The following NEDD9 variants were observed in gnomAD, a reference collection of about 807,000 sequenced individuals.
The protein encoded by NEDD9 is neural precursor cell expressed, developmentally down-regulated 9.
NEDD9 carries 26 observed loss-of-function variants against 76.6 expected under a neutral mutation model. That is an observed-to-expected ratio of 0.34 (90% CI 0.25 to 0.47). The LOEUF (loss-of-function observed/expected upper bound fraction) is 0.47. Among genes scored for constraint, NEDD9 ranks in the 20% least tolerant of loss-of-function variants. NEDD9 has a pLI of 1.00. For synonymous variants in NEDD9, 392 were observed against 414.2 expected (o/e 0.95, Z 0.65); for missense variants, 937 against 1,058.5 (o/e 0.89, Z 1.59).
Position 11,190,614 on chromosome 6 carries a change from C to T in NEDD9, c.1255G>A (p.Ala419Thr). ...AIERLQRLQQ[A>T]LEMGVSSLMA... ...AGGCTGGAGACACCCATCTCAAGGG[C>T]CTGCTGGAGCCGCTGAAGTCTCTCA... Residue 419 changes from alanine to threonine, a missense_variant, in exon 5 of 7, where the codon GCC becomes ACC. Transcript: ENST00000379446. This position sits in a 1 kb window ranked among gnomAD's most constrained non-coding sequence, Gnocchi z 5.8. 6.2e-7 allele frequency: 1 copy of T among 1,614,184 alleles called. No individual in the cohort carries two copies. The highest frequency in any genetic ancestry group is 1.3e-5 in the African/African-American group (1 of 75,042).
intron 1 of NEDD9, among the ~76,000 whole-genome samples, chr6:11,214,450 C>T (rs1043644498): frequency 3.3e-5 from 5 of 152,220 alleles, no homozygotes; most frequent in African/African-American, 1.2e-4. Flanking sequence ...TTCCTGAGGG[C>T]CCCTCCTCGC....
chr6:11,199,144 AC>A (rs1179899033), intron 2 of NEDD9: 1 of 152,216 alleles, frequency 6.6e-6, no homozygotes, highest in African/African-American at 2.4e-5. Flanking sequence ...CCTGCTTTTT[AC>A]CTCAACATCA....
intron 3 of NEDD9, among the ~76,000 whole-genome samples, chr6:11,283,313 G>A (rs1418165469): frequency 6.6e-6 from 1 of 152,142 alleles, no homozygotes; most frequent in Non-Finnish European, 1.5e-5. Flanking sequence ...CTTTGGCTTG[G>A]ATATAAGCTT....
At chr6:11,379,683 G>A (rs182415453) in intron 1 of NEDD9, among the ~76,000 whole-genome samples, 22 of 151,772 alleles carry the variant, frequency 1.4e-4, no homozygotes, top group East Asian at 7.7e-4. Context: ...AAAACAGGCC[G>A]TTGTGGTTTA....
intron 1 of NEDD9, among the ~76,000 whole-genome samples, chr6:11,360,140 T>C (rs191203510): frequency 6.6e-6 from 1 of 152,310 alleles, no homozygotes; most frequent in Admixed American, 6.5e-5. Flanking sequence ...GGCACTGCTA[T>C]TGGAACGAGG....
At chr6:11,374,066 C>CTATA (rs35562815) in intron 1 of NEDD9, among the ~76,000 whole-genome samples, 17 of 149,670 alleles carry the variant, frequency 1.1e-4, no homozygotes, top group African/African-American at 3.4e-4. Flanking sequence ...CTCTCTCTCT[C>CTATA]TATATATATA....
At chr6:11,231,924 T>G (rs1759480251) in intron 1 of NEDD9, among the ~76,000 whole-genome samples, 1 of 152,204 alleles carries the variant, frequency 6.6e-6, no homozygotes, top group Admixed American at 6.5e-5. Context: ...TGGCTCATAC[T>G]TATTTATTCC....
upstream of NEDD9, among the ~76,000 whole-genome samples, chr6:11,235,941 C>T (rs190383155): frequency 1.7e-3 from 259 of 152,154 alleles, 2 homozygotes; most frequent in Non-Finnish European, 2.1e-3. The surrounding 1 kb of genome is among the most constrained non-coding windows in gnomAD (Gnocchi z 4.1). Flanking sequence ...TGTTTCTCTC[C>T]GGTTTGTTAA....
intron 3 of NEDD9, among the ~76,000 whole-genome samples, chr6:11,242,464 A>T (rs1342431350): frequency 6.6e-6 from 1 of 152,044 alleles, no homozygotes; most frequent in Non-Finnish European, 1.5e-5. Context: ...TAGTGACAAG[A>T]AGAAAGGCTG....
intron 1 of NEDD9, among the ~76,000 whole-genome samples, chr6:11,214,557 A>G (rs1419643945): frequency 6.6e-6 from 1 of 152,266 alleles, no homozygotes; most frequent in Non-Finnish European, 1.5e-5. Context: ...CCGTCTTTGT[A>G]TGAAGGCCTG....
intron 1 of NEDD9, among the ~76,000 whole-genome samples, chr6:11,374,619 TA>T (rs1156405990): frequency 2.6e-5 from 4 of 152,208 alleles, no homozygotes; most frequent in African/African-American, 9.7e-5. Context: ...CATAGTCGCA[TA>T]TGCTATAGAA....
At chr6:11,286,248 C>T (rs1377413848) in intron 3 of NEDD9, among the ~76,000 whole-genome samples, 1 of 152,152 alleles carries the variant, frequency 6.6e-6, no homozygotes, top group Non-Finnish European at 1.5e-5. Flanking sequence ...AGATGCTCAA[C>T]ATCATTAGTC....
chr6:11,242,403 T>C (rs1443539452), intron 3 of NEDD9, among the ~76,000 whole-genome samples: 1 of 152,150 alleles, frequency 6.6e-6, no homozygotes, highest in Non-Finnish European at 1.5e-5. Context: ...GTTCTCCTGA[T>C]TCATGCTCTA....
upstream of NEDD9, among the ~76,000 whole-genome samples, chr6:11,234,458 A>G (rs72827158): frequency 0.019 from 2,907 of 152,228 alleles, 39 homozygotes; most frequent in South Asian, 0.044. Context: ...TGAGTAAGTG[A>G]GTGCTGTCCC....
chr6:11,210,922 A>G (rs1758771418), intron 2 of NEDD9, among the ~76,000 whole-genome samples: 1 of 152,090 alleles, frequency 6.6e-6, no homozygotes, highest in South Asian at 2.1e-4. Flanking sequence ...TACTGTGGAG[A>G]AGCCCTTGGT....
intron 1 of NEDD9, among the ~76,000 whole-genome samples, chr6:11,217,012 C>A (rs541697793): frequency 7.2e-5 from 11 of 152,260 alleles, no homozygotes; most frequent in African/African-American, 2.6e-4. Flanking sequence ...AAGGGAACTT[C>A]TGAGACAACA....
chr6:11,213,254 C>T lies in NEDD9; in HGVS notation c.459+27G>A. On this transcript the variant is annotated intron_variant, in intron 2 of 6. Coordinates refer to ENST00000379446, the MANE Select transcript of NEDD9 (RefSeq NM_006403.4). This position sits in a 1 kb window ranked among gnomAD's most constrained non-coding sequence, Gnocchi z 5.4. ...AATGGGAAAAAAAAATAAGTAGGAA[C>T]AAAAATTTAGTTAGTCATTTACTCA... The T allele has an allele frequency of 6.5e-7, 1 of 1,546,310 alleles. No homozygotes were observed. The highest frequency in any genetic ancestry group is 8.7e-7 in the Non-Finnish European group (1 of 1,146,760).
chr6:11,208,058 GT>G (rs1453982586), intron 2 of NEDD9, among the ~76,000 whole-genome samples: 1 of 151,904 alleles, frequency 6.6e-6, no homozygotes, highest in Non-Finnish European at 1.5e-5. Context: ...CATGCCTATA[GT>G]CCCAGCTACT....
At chr6:11,345,467 A>AGTGTGT (rs111373981) in intron 1 of NEDD9, among the ~76,000 whole-genome samples, 10 of 151,146 alleles carry the variant, frequency 6.6e-5, no homozygotes, top group African/African-American at 2.4e-4. Context: ...AGAGAGAGAG[A>AGTGTGT]GTGTGTGTGT....
Sources: gnomAD v4.1 joint callset for allele counts (sites outside exome capture counted in the v4.1 genomes callset) on GRCh38, gnomAD v4.1.1 for gene constraint, Gnocchi (gnomAD v3.1) non-coding constraint, MANE v1.5 for transcripts, NCBI Gene and HGNC (gene_info 2026-07-23, HGNC 2026-07-21) for gene names.